RNF213: variants seen among roughly 807,000 people sequenced by gnomAD.
The protein encoded by RNF213 is ring finger protein 213.
In RNF213, 341 loss-of-function variants were observed where a neutral mutation model predicts 514.4. That is an observed-to-expected ratio of 0.66 (90% confidence interval 0.61 to 0.73). RNF213 has a LOEUF of 0.73. Among genes scored for constraint, RNF213 ranks in the 30% least tolerant of loss-of-function variants. RNF213 has a pLI of 0.00. For synonymous variants in RNF213, 2,655 were observed against 2,658.2 expected (o/e 1.00, Z 0.04); for missense variants, 5,767 against 6,615.6 (o/e 0.87, Z 4.45).
rs1331161801 is a variant in RNF213, at chr17:80,336,228, G to A, written c.4377G>A (p.Val1459=). Residue 1459 remains valine, a synonymous_variant, in exon 23 of 68, where the codon GTG becomes GTA. Transcript: ENST00000582970. ...CAGCGGGGGAGAATGACATTGATGT[G>A]GACCGGGTGGCCTGCTTCCATGACG... ...SISAGENDID[V]DRVACFHDAV... is the part of the protein sequence containing the mutation. The A allele has an allele frequency of 3.9e-6, 6 of 1,537,258 alleles. No individual in the cohort carries two copies. Among genetic ancestry groups the A allele is most frequent in the Non-Finnish European group, 4.4e-6 (5 of 1,146,918 alleles).
At chr17:80,262,871 A>G (rs907720553) in intron 1 of RNF213, among the ~76,000 whole-genome samples, 1 of 152,130 alleles carries the variant, frequency 6.6e-6, no homozygotes, top group Admixed American at 6.5e-5. Context: ...TGCTGAAGGC[A>G]CCAGTCAGCT....
intron 14 of RNF213, 66 bp downstream of exon 14, chr17:80,309,237 T>C (rs1404142611): frequency 1.3e-6 from 2 of 1,595,554 alleles, no homozygotes; most frequent in South Asian, 2.2e-5. Flanking sequence ...CAGCCTCAAT[T>C]TGGAAAGGAA....
intron 30 of RNF213, 63 bp downstream of exon 30, chr17:80,349,969 G>C (rs994797071): frequency 3.1e-5 from 50 of 1,594,848 alleles, no homozygotes; most frequent in Non-Finnish European, 3.8e-5. Flanking sequence ...TGGCTTCTGC[G>C]TGGCGATGGT....
intron 54 of RNF213, 52 bp from the exon 55 acceptor site, chr17:80,379,568 C>T: frequency 6.7e-7 from 1 of 1,493,698 alleles, no homozygotes; most frequent in Non-Finnish European, 9.3e-7. Flanking sequence ...GGCATTTGTG[C>T]ATAAAATGGT....
intron 3 of RNF213, among the ~76,000 whole-genome samples, chr17:80,274,098 C>T (rs531412436): frequency 3.9e-5 from 6 of 152,076 alleles, no homozygotes; most frequent in Middle Eastern, 6.8e-3. Flanking sequence ...CCTGAGCGTC[C>T]GCTGGGTGCG....
intron 6 of RNF213, 118 bp from the exon 7 acceptor site, chr17:80,290,450 TGC>T: frequency 8.3e-7 from 1 of 1,199,772 alleles, no homozygotes; most frequent in Non-Finnish European, 1.2e-6. Flanking sequence ...CATGTGTGTG[TGC>T]GAGTGCATGT....
At chr17:80,389,684 C>T in intron 65 of RNF213, 144 bp from the exon 66 acceptor site, 1 of 772,004 alleles carries the variant, frequency 1.3e-6, no homozygotes, top group Non-Finnish European at 2.2e-6. Flanking sequence ...CAGAGATGGC[C>T]TTCACAAGGA....
rs2078384615 is a variant in RNF213 at position 80,348,284 on chromosome 17, G to A, written c.9949G>A (p.Glu3317Lys). 1 of 1,611,756 alleles carries A rather than the reference G, an allele frequency of 6.2e-7. No individual in the cohort carries two copies. Among genetic ancestry groups the A allele is most frequent in the African/African-American group, 1.3e-5 (1 of 74,956 alleles). The change falls in exon 29 of 68, where the codon GAG becomes AAG. Residue 3317 changes from glutamate (E) to lysine (K), a missense_variant and splice_region_variant. This residue lies in a region of RNF213 where 919 missense variants were observed against 1,121.0 expected (regional missense o/e 0.82). Coordinates refer to ENST00000582970, the MANE Select transcript of RNF213 (RefSeq NM_001256071.3). ...CCTGGAGCGCCACGCCATCTTCACAGAGGTGATTGTCTTTCTGCACTTGTA... is the reference window on the plus strand; with the variant it reads ...CCTGGAGCGCCACGCCATCTTCACAAAGGTGATTGTCTTTCTGCACTTGTA... The part of the protein sequence containing the change: ...ADLERHAIFT[E>K]ITTFSRLLTS...
rs1313270392 is a variant in RNF213 at position 80,346,600 on chromosome 17, G to T, written c.8265G>T (p.Met2755Ile). The T allele has an allele frequency of 1.2e-6, 2 of 1,613,260 alleles. No homozygotes were observed. The highest frequency in any genetic ancestry group is 3.3e-5 in the Admixed American group (2 of 60,018). ...NLALKENVFM[M>I]VVCIELKIPL... The stretch of plus-strand genomic sequence containing the variant: ...CCTTGAAGGAGAACGTCTTCATGAT[G>T]GTCGTCTGCATCGAGCTGAAGATTC... Residue 2755 changes from methionine to isoleucine, a missense_variant, in exon 29 of 68, where the codon ATG (methionine) becomes ATT (isoleucine). Met to Ile is a conservative substitution (Grantham distance 10). Around this residue, in one of 13 missense-constraint regions of RNF213, gnomAD observed 105 missense variants for 183.9 expected, o/e 0.57. Transcript: ENST00000582970. This position sits in a 1 kb window ranked among gnomAD's most constrained non-coding sequence, Gnocchi z 8.1.
chr17:80,369,817 T>C lies in RNF213; in HGVS notation c.12375T>C (p.Asp4125=). The C allele has an allele frequency of 6.2e-7, 1 of 1,614,034 alleles. No homozygotes were observed. Among genetic ancestry groups the C allele is most frequent in the Non-Finnish European group, 8.5e-7 (1 of 1,179,912 alleles). ...KSLSPFNDVV[D]KTPVIRSVIL... Reference sequence around the variant, plus strand: ...TCTCTCCATTCAATGATGTTGTGGATAAGACTCCTGTCATCCGCTCAGTGA... The same window carrying C: ...TCTCTCCATTCAATGATGTTGTGGACAAGACTCCTGTCATCCGCTCAGTGA... Residue 4125 remains aspartate, a synonymous_variant, in exon 46 of 68, where the codon GAT becomes GAC. Transcript: ENST00000582970.
chr17:80,273,524 C>G, intron 3 of RNF213, 120 bp downstream of exon 3: 1 of 1,290,298 alleles, frequency 7.8e-7, no homozygotes, highest in South Asian at 1.3e-5. Context: ...TGAACCTGCC[C>G]ACAGGGCAGC....
chr17:80,350,225 C>T, intron 30 of RNF213, 76 bp from the exon 31 acceptor site: 3 of 938,042 alleles, frequency 3.2e-6, no homozygotes, highest in South Asian at 2.7e-5. Flanking sequence ...TTTATGTTTC[C>T]CATCACTTTG....
intron 62 of RNF213, 73 bp from the exon 63 acceptor site, chr17:80,386,617 T>C (rs1049414303): frequency 3.9e-6 from 6 of 1,528,096 alleles, no homozygotes; most frequent in African/African-American, 1.4e-5. Flanking sequence ...AATGGGAGCC[T>C]GCTCCCTGCA....
At chr17:80,359,632 AGAGT>A (rs2078979104) in intron 37 of RNF213, among the ~76,000 whole-genome samples, 1 of 151,850 alleles carries the variant, frequency 6.6e-6, no homozygotes, top group Non-Finnish European at 1.5e-5. Context: ...AAAGAAAGAA[AGAGT>A]GAGAGAAAGA....
At chr17:80,319,520 G>A in intron 17 of RNF213, 1 of 1,613,262 alleles carries the variant, frequency 6.2e-7, no homozygotes, top group Non-Finnish European at 8.5e-7. Flanking sequence ...AGTCCCTGCT[G>A]CTCGCACCAT....
chr17:80,328,299 G>A (rs570382384), intron 19 of RNF213, 29 bp from the exon 20 acceptor site: 2 of 1,527,230 alleles, frequency 1.3e-6, no homozygotes, highest in Non-Finnish European at 1.8e-6. Context: ...GCTGTATTGG[G>A]TTACTTTATT....
Position 80,263,888 on chromosome 17 carries a change from C to T in RNF213, c.97+110C>T, listed in dbSNP as rs926213631. The T allele has an allele frequency of 1.9e-5, 16 of 845,270 alleles. No individual in the cohort carries two copies. The highest frequency in any genetic ancestry group is 1.3e-4 in the African/African-American group (8 of 59,534). The allele number at this position is 845,270 out of a possible 1,614,324, so 52.4% of individuals were successfully genotyped here. A position where few individuals can be genotyped will look rare whatever the true frequency, so the allele number is the denominator to read the frequency against. ...GGGCAGCAGGCAGCTCAGGTGGGGC[C>T]GAGGTCCTCTGTGGCTACTGAGGCT... On this transcript the variant is annotated intron_variant, in intron 2 of 67. Coordinates refer to ENST00000582970, the MANE Select transcript of RNF213 (RefSeq NM_001256071.3). This position sits in a 1 kb window ranked among gnomAD's most constrained non-coding sequence, Gnocchi z 4.9.
At chr17:80,380,553 G>A (rs1018940975) in intron 55 of RNF213, among the ~76,000 whole-genome samples, 4 of 152,182 alleles carry the variant, frequency 2.6e-5, no homozygotes, top group African/African-American at 4.8e-5. Context: ...GGAAAAGACG[G>A]GTCCAGGCCT....
At chr17:80,384,037 AGT>A in intron 59 of RNF213, 109 bp downstream of exon 59, 1 of 1,385,404 alleles carries the variant, frequency 7.2e-7, no homozygotes, top group Non-Finnish European at 1.0e-6. Flanking sequence ...AGACTATTCC[AGT>A]GCTTTGGTTT....
Sources: allele counts gnomAD v4.1 joint callset (sites outside exome capture counted in the v4.1 genomes callset), GRCh38; gene constraint gnomAD v4.1.1; regional missense constraint gnomAD v4.1.1; non-coding constraint Gnocchi (gnomAD v3.1); transcripts MANE v1.5; gene names NCBI Gene and HGNC (gene_info 2026-07-23, HGNC 2026-07-21).